Variants in CAMTA1 observed in about 807,000 individuals in gnomAD.
CAMTA1 encodes calmodulin binding transcription activator 1, also known as calmodulin-binding transcription activator 1.
A neutral mutation model predicts 170.9 loss-of-function variants in CAMTA1; 27 were observed. That is an observed-to-expected ratio of 0.16 (90% CI 0.12 to 0.22). The LOEUF (loss-of-function observed/expected upper bound fraction) is 0.22, where lower values mean the gene tolerates loss of function less well. Among genes scored for constraint, CAMTA1 ranks in the 10% least tolerant of loss-of-function variants. The pLI, the probability that CAMTA1 is intolerant of heterozygous loss-of-function variation, is 1.00. For synonymous variants in CAMTA1, 833 were observed against 891.5 expected (o/e 0.93, Z 1.17); for missense variants, 1,619 against 2,217.2 (o/e 0.73, Z 5.42).
At chr1:7,417,297 C>T (rs1028783989) in intron 5 of CAMTA1, among the ~76,000 whole-genome samples, 33 of 152,250 alleles carry the variant, frequency 2.2e-4, no homozygotes, top group Admixed American at 3.3e-4. Flanking sequence ...CTACTCTCTT[C>T]AAAGCTGTCA....
intron 4 of CAMTA1, among the ~76,000 whole-genome samples, chr1:7,231,179 G>T (rs756620966): frequency 6.6e-6 from 1 of 152,152 alleles, no homozygotes; most frequent in Non-Finnish European, 1.5e-5. Flanking sequence ...GCCCCTTGAC[G>T]TGGGCCTGAA....
At chr1:7,418,347 C>T (rs578183637) in intron 5 of CAMTA1, among the ~76,000 whole-genome samples, 27 of 152,272 alleles carry the variant, frequency 1.8e-4, no homozygotes, top group African/African-American at 6.3e-4. Context: ...AGGTGCCCAC[C>T]ACCAATGTGC....
At chr1:7,601,170 ACCTCCCTCCCGGACGGGGTGGCTGCTG>A (rs2095438585) in intron 6 of CAMTA1, among the ~76,000 whole-genome samples, 2 of 115,826 alleles carry the variant, frequency 1.7e-5, no homozygotes, top group South Asian at 5.2e-4. Flanking sequence ...GCTGACCCCC[ACCTCCCTCCCGGACGGGGTGGCTGCTG>A]GGCGGAGACG....
At chr1:7,199,050 CT>C (rs1036352883) in intron 4 of CAMTA1, among the ~76,000 whole-genome samples, 2 of 152,162 alleles carry the variant, frequency 1.3e-5, no homozygotes, top group African/African-American at 4.8e-5. Flanking sequence ...AGGTGTTTGT[CT>C]TTTCCCCCCC....
intron 3 of CAMTA1, among the ~76,000 whole-genome samples, chr1:6,936,859 G>A (rs1235260154): frequency 2.6e-5 from 4 of 152,072 alleles, no homozygotes. Flanking sequence ...GTGGTGGCAG[G>A]CGCCTGTAGT....
chr1:7,432,835 C>T (rs917593652), intron 5 of CAMTA1, among the ~76,000 whole-genome samples: 1 of 152,244 alleles, frequency 6.6e-6, no homozygotes, highest in Admixed American at 6.5e-5. Flanking sequence ...TTATTTACGG[C>T]CTTGTTTATT....
At chr1:7,760,913 G>C (rs560676766) in intron 22 of CAMTA1, among the ~76,000 whole-genome samples, 8 of 152,360 alleles carry the variant, frequency 5.3e-5, no homozygotes, top group African/African-American at 1.9e-4. Flanking sequence ...ATGTAATGAA[G>C]CAGCTTTGCC....
rs534461466 is a variant in CAMTA1 at position 7,730,572 on chromosome 1, T to C, written c.2915-1876T>C. ...GTAGGGAGAGACCTCCCCTCTTCGC[T>C]ATTGAATATCTGGCACAGTGTTCCT... On this transcript the variant is annotated intron_variant, in intron 11 of 22. Transcript: ENST00000303635. 9.8e-5 allele frequency among the ~76,000 whole-genome samples: 15 copies of C among 152,312 alleles called. No individual in the cohort carries two copies. In the East Asian group the frequency reaches 2.5e-3, roughly 25 times the overall value.
At chr1:7,468,863 A>G (rs1484717646) in intron 6 of CAMTA1, among the ~76,000 whole-genome samples, 1 of 152,126 alleles carries the variant, frequency 6.6e-6, no homozygotes. Flanking sequence ...CTGGGGAAGC[A>G]AGTCCCCCAG....
At chr1:6,822,445 A>G in intron 2 of CAMTA1, among the ~76,000 whole-genome samples, 1 of 152,136 alleles carries the variant, frequency 6.6e-6, no homozygotes, top group South Asian at 2.1e-4. Context: ...TTCTTTTCTC[A>G]GTATTAAACT....
chr1:7,690,543 C>T (rs1237184579), intron 11 of CAMTA1, among the ~76,000 whole-genome samples: 3 of 152,196 alleles, frequency 2.0e-5, no homozygotes, highest in African/African-American at 7.2e-5. Flanking sequence ...CAAGCTGCAT[C>T]GATTGGTCTT....
intron 3 of CAMTA1, among the ~76,000 whole-genome samples, chr1:6,978,768 A>G (rs1693924748): frequency 6.6e-6 from 1 of 152,108 alleles, no homozygotes; most frequent in Non-Finnish European, 1.5e-5. Context: ...GACAGGATGG[A>G]TGTATTCTAT....
At chr1:6,831,064 C>G (rs11120775) in intron 3 of CAMTA1, among the ~76,000 whole-genome samples, 2 of 151,412 alleles carry the variant, frequency 1.3e-5, no homozygotes, top group Non-Finnish European at 2.9e-5. Flanking sequence ...ATGATCCGCC[C>G]GCCTCAGCCT....
At chr1:7,120,649 C>T (rs1353604822) in intron 4 of CAMTA1, among the ~76,000 whole-genome samples, 1 of 152,124 alleles carries the variant, frequency 6.6e-6, no homozygotes, top group East Asian at 1.9e-4. Flanking sequence ...GTATGGAGCC[C>T]AAGAGGTAGG....
intron 6 of CAMTA1, among the ~76,000 whole-genome samples, chr1:7,487,938 TC>T (rs1181471137): frequency 1.6e-4 from 24 of 152,064 alleles, no homozygotes; most frequent in Non-Finnish European, 2.9e-4. Flanking sequence ...TCTTAGCCAT[TC>T]CCCGGAGTGG....
chr1:7,644,990 C>T (rs766670383), intron 7 of CAMTA1, among the ~76,000 whole-genome samples: 10 of 152,196 alleles, frequency 6.6e-5, no homozygotes, highest in Non-Finnish European at 1.5e-4. Flanking sequence ...GTTTACAGTA[C>T]GCAAGTGATC....
At chr1:7,034,616 G>T (rs1572584308) in intron 3 of CAMTA1, among the ~76,000 whole-genome samples, 1 of 152,290 alleles carries the variant, frequency 6.6e-6, no homozygotes, top group East Asian at 1.9e-4. Flanking sequence ...ACCTCTGGCT[G>T]CCTTGGCCTT....
intron 3 of CAMTA1, among the ~76,000 whole-genome samples, chr1:7,021,284 G>T (rs890922127): frequency 6.6e-6 from 1 of 152,262 alleles, no homozygotes; most frequent in Non-Finnish European, 1.5e-5. Flanking sequence ...AAGGTGCGGG[G>T]TCTCTGCTGG....
intron 6 of CAMTA1, among the ~76,000 whole-genome samples, chr1:7,598,899 C>T (rs1402623972): frequency 3.3e-5 from 5 of 152,192 alleles, no homozygotes; most frequent in African/African-American, 4.8e-5. Flanking sequence ...TGCCTGTTCA[C>T]TCTGATGGTA....
Sources: allele counts gnomAD v4.1 joint callset (sites outside exome capture counted in the v4.1 genomes callset), GRCh38; gene constraint gnomAD v4.1.1; transcripts MANE v1.5; gene names NCBI Gene and HGNC (gene_info 2026-07-23, HGNC 2026-07-21).